The following TMEM74 variants were observed in gnomAD, a reference collection of about 807,000 sequenced individuals.
TMEM74 encodes transmembrane protein 74.
TMEM74 carries 13 observed loss-of-function variants against 18.1 expected under a neutral mutation model. That is an observed-to-expected ratio of 0.72 (90% CI 0.47 to 1.14). TMEM74 has a LOEUF of 1.14. Ranked by LOEUF, TMEM74 falls within the 50% of genes most tolerant of loss-of-function variation. The pLI, the probability that TMEM74 is intolerant of heterozygous loss-of-function variation, is 0.00. For synonymous variants in TMEM74, 159 were observed against 146.6 expected (o/e 1.08, Z -0.61); for missense variants, 372 against 375.9 (o/e 0.99, Z 0.09).
intron 1 of TMEM74, among the ~76,000 whole-genome samples, chr8:108,657,514 AAAT>A (rs1361438491): frequency 3.9e-5 from 6 of 151,986 alleles, no homozygotes; most frequent in Non-Finnish European, 8.8e-5. Context: ...TTGGAAGTAA[AAAT>A]ATGAAAACAA....
chr8:108,730,221 G>T (rs944308012), intron 1 of TMEM74, among the ~76,000 whole-genome samples: 2 of 152,184 alleles, frequency 1.3e-5, no homozygotes, highest in Non-Finnish European at 2.9e-5. Flanking sequence ...ATAGAGTGGG[G>T]CTGGGGAGTC....
chr8:108,661,175 C>T (rs1348841863), intron 1 of TMEM74, among the ~76,000 whole-genome samples: 1 of 151,982 alleles, frequency 6.6e-6, no homozygotes, highest in African/African-American at 2.4e-5. Context: ...ATTACCTATT[C>T]CAAGATTCTT....
intron 1 of TMEM74, among the ~76,000 whole-genome samples, chr8:108,722,147 A>G (rs979480335): frequency 7.2e-5 from 11 of 152,304 alleles, no homozygotes; most frequent in Admixed American, 4.6e-4. Flanking sequence ...TTGTGATTAT[A>G]TTGGGCCCAT....
At chr8:108,766,286 T>C (rs538355975) in intron 1 of TMEM74, among the ~76,000 whole-genome samples, 2 of 152,246 alleles carry the variant, frequency 1.3e-5, no homozygotes, top group Admixed American at 6.5e-5. Flanking sequence ...AGCTGAAGTA[T>C]TGAGTTATTT....
At chr8:108,658,255 T>G (rs1586250363) in intron 1 of TMEM74, among the ~76,000 whole-genome samples, 1 of 152,078 alleles carries the variant, frequency 6.6e-6, no homozygotes, top group Admixed American at 6.6e-5. Flanking sequence ...TGTTTCAAAC[T>G]GGTACATCAG....
chr8:108,723,745 G>A (rs1316818544), intron 1 of TMEM74, among the ~76,000 whole-genome samples: 6 of 151,950 alleles, frequency 3.9e-5, no homozygotes, highest in African/African-American at 1.5e-4. Flanking sequence ...AAACCAAGAT[G>A]AAATATTAAT....
At position 108,784,243 on chromosome 8, in the gene TMEM74, T is replaced by C. The variant is rs1255706012; in HGVS notation, c.856A>G (p.Thr286Ala). 6 of 1,614,226 alleles carry C rather than the reference T, an allele frequency of 3.7e-6. 1 individual carries two copies. The South Asian group carries it at 6.6e-5, about 18-fold the overall frequency. Residue 286 changes from threonine to alanine, a missense_variant, in exon 2 of 2, where the codon ACG (threonine) becomes GCG (alanine). By Grantham distance (58) the Thr-to-Ala change is moderately conservative (BLOSUM62 0). Transcript: ENST00000297459. ...GACAGTTCCAGAGTGTTTTCATTCG[T>C]GCTGGTTTTCATCCTGAAGTTGAAA... Reference protein sequence around the residue: ...GSFNFRMKTSTNENTLELSLV... With the variant: ...GSFNFRMKTSANENTLELSLV...
intron 1 of TMEM74, among the ~76,000 whole-genome samples, chr8:108,664,594 A>G (rs774141019): frequency 3.4e-4 from 52 of 152,208 alleles, no homozygotes; most frequent in Non-Finnish European, 4.7e-4. Flanking sequence ...GGGAACGTTT[A>G]ACTTTATCTC....
intron 1 of TMEM74, among the ~76,000 whole-genome samples, chr8:108,729,601 C>A (rs1342193820): frequency 6.6e-6 from 1 of 152,190 alleles, no homozygotes; most frequent in African/African-American, 2.4e-5. Flanking sequence ...TCCTATAAAA[C>A]TATGCTTTGT....
At chr8:108,659,048 G>C (rs1221829100) in intron 1 of TMEM74, among the ~76,000 whole-genome samples, 1 of 152,118 alleles carries the variant, frequency 6.6e-6, no homozygotes, top group African/African-American at 2.4e-5. Context: ...AAAATATGGA[G>C]ACTTGGTAGA....
At chr8:108,667,414 A>G (rs139510991) in intron 1 of TMEM74, among the ~76,000 whole-genome samples, 54 of 152,296 alleles carry the variant, frequency 3.5e-4, no homozygotes, top group African/African-American at 1.2e-3. Context: ...TTTAATTAGA[A>G]TGATCATCAG....
At chr8:108,662,019 A>C (rs1229774426) in intron 1 of TMEM74, among the ~76,000 whole-genome samples, 1 of 152,168 alleles carries the variant, frequency 6.6e-6, no homozygotes, top group East Asian at 1.9e-4. Flanking sequence ...CAGAGATAAC[A>C]GTCCTTCTTT....
intron 1 of TMEM74, among the ~76,000 whole-genome samples, chr8:108,692,422 C>G (rs1310203858): frequency 6.6e-6 from 1 of 152,174 alleles, no homozygotes; most frequent in Non-Finnish European, 1.5e-5. Context: ...ACCAACCAAT[C>G]CCATTTTGTT....
chr8:108,726,839 G>T (rs962768036), intron 1 of TMEM74, among the ~76,000 whole-genome samples: 1 of 151,946 alleles, frequency 6.6e-6, no homozygotes, highest in African/African-American at 2.4e-5. Context: ...AATATGATAG[G>T]AAATGATAAA....
At chr8:108,716,873 CAG>C (rs574802667) in intron 1 of TMEM74, among the ~76,000 whole-genome samples, 373 of 150,782 alleles carry the variant, frequency 2.5e-3, no homozygotes, top group South Asian at 9.7e-3. Context: ...TATATATAAA[CAG>C]AGAGAGGGAA....
chr8:108,621,918 A>G (rs976952104), intron 2 of TMEM74, among the ~76,000 whole-genome samples: 2 of 152,116 alleles, frequency 1.3e-5, no homozygotes, highest in Non-Finnish European at 2.9e-5. Flanking sequence ...AGCACTCCTT[A>G]TTTCTGGTCA....
In TMEM74 at chr8:108,779,281, C is replaced by A. The variant is rs1814273947; in HGVS notation, c.*4900G>T. Among the ~76,000 whole-genome samples, 1 of 152,092 alleles carries A rather than the reference C, an allele frequency of 6.6e-6. No homozygotes were observed. Among genetic ancestry groups the A allele is most frequent in the African/African-American group, 2.4e-5 (1 of 41,426 alleles). On this transcript the variant is annotated 3_prime_UTR_variant, in exon 2 of 2. Transcript: ENST00000297459. ...ACAGCACGATGAGAACCACAGGGTA[C>A]AAACTCTCAATACACAATATGTAAT...
chr8:108,657,839 T>G (rs1343803328), intron 1 of TMEM74, among the ~76,000 whole-genome samples: 1 of 24,050 alleles, frequency 4.2e-5, no homozygotes, highest in African/African-American at 2.0e-4. Flanking sequence ...TGAGACACCG[T>G]CTCAAAAAAA....
At chr8:108,632,003 G>C (rs1372656832) in intron 2 of TMEM74, among the ~76,000 whole-genome samples, 1 of 151,998 alleles carries the variant, frequency 6.6e-6, no homozygotes, top group Non-Finnish European at 1.5e-5. Context: ...GTAAGATTTT[G>C]TTCCTACCCT....
Sources: allele counts gnomAD v4.1 joint callset (sites outside exome capture counted in the v4.1 genomes callset), GRCh38; gene constraint gnomAD v4.1.1; transcripts MANE v1.5; gene names NCBI Gene and HGNC (gene_info 2026-07-23, HGNC 2026-07-21).